Variants in TMEM178B observed in about 807,000 individuals in gnomAD.
TMEM178B encodes the protein transmembrane protein 178B.
A neutral mutation model predicts 31.0 loss-of-function variants in TMEM178B; 5 were observed. That is an observed-to-expected ratio of 0.16 (90% confidence interval 0.08 to 0.34). The LOEUF is 0.34. Ranked by LOEUF, TMEM178B falls within the 10% of genes least tolerant of loss-of-function variation. The pLI is 1.00. For synonymous variants in TMEM178B, 164 were observed against 164.0 expected, an observed-to-expected ratio of 1.00 and a Z score of 0.00; for missense variants, 275 against 400.3, an observed-to-expected ratio of 0.69 and a Z score of 2.67.
intron 2 of TMEM178B, among the ~76,000 whole-genome samples, chr7:141,225,346 T>TCC (rs1797324348): frequency 6.6e-6 from 1 of 152,226 alleles, no homozygotes; most frequent in Non-Finnish European, 1.5e-5. Flanking sequence ...TTTGTCCATT[T>TCC]GTTCAAAAGA....
intron 1 of TMEM178B, among the ~76,000 whole-genome samples, chr7:141,098,554 C>T (rs1795002959): frequency 1.3e-5 from 2 of 152,206 alleles, no homozygotes; most frequent in Non-Finnish European, 2.9e-5. Flanking sequence ...AGTTTACTAT[C>T]TGTGTGACCC....
At chr7:141,129,103 G>T (rs1795553443) in intron 1 of TMEM178B, among the ~76,000 whole-genome samples, 1 of 152,172 alleles carries the variant, frequency 6.6e-6, no homozygotes, top group Non-Finnish European at 1.5e-5. Flanking sequence ...GGGTTACATG[G>T]CTGACTGCCC....
At chr7:141,399,036 C>T (rs1800706963) in intron 2 of TMEM178B, among the ~76,000 whole-genome samples, 1 of 152,248 alleles carries the variant, frequency 6.6e-6, no homozygotes, top group East Asian at 1.9e-4. Context: ...AATATGCGGA[C>T]AGCACAGATT....
intron 1 of TMEM178B, among the ~76,000 whole-genome samples, chr7:141,115,129 G>A (rs1008764942): frequency 6.6e-6 from 1 of 151,980 alleles, no homozygotes; most frequent in African/African-American, 2.4e-5. Context: ...TGCAACCTCC[G>A]CCTCCTGGGT....
At chr7:141,134,718 G>A (rs188157665) in intron 1 of TMEM178B, among the ~76,000 whole-genome samples, 22 of 152,286 alleles carry the variant, frequency 1.4e-4, no homozygotes, top group South Asian at 2.1e-4. Flanking sequence ...TCACTTAGAA[G>A]ATATAGAATG....
intron 1 of TMEM178B, among the ~76,000 whole-genome samples, chr7:141,128,735 C>A (rs1371067101): frequency 6.6e-6 from 1 of 152,088 alleles, no homozygotes; most frequent in Non-Finnish European, 1.5e-5. Context: ...ATTCCCACAT[C>A]ACTTCTCCTG....
intron 2 of TMEM178B, among the ~76,000 whole-genome samples, chr7:141,216,670 T>G (rs562042268): frequency 6.6e-6 from 1 of 152,172 alleles, no homozygotes; most frequent in South Asian, 2.1e-4. Context: ...GTGGGTACTG[T>G]GGGTGCCTTT....
At position 141,220,179 on chromosome 7, in the gene TMEM178B, G is replaced by A. The variant is rs979876126; in HGVS notation, c.496+7475G>A. Among the ~76,000 whole-genome samples, 11 of 143,776 alleles carry A rather than the reference G, an allele frequency of 7.7e-5. No homozygotes were observed. The East Asian group carries it at 1.5e-3, about 20-fold the overall frequency. The allele number at this position is 143,776 out of a possible 152,430, so 94.3% of individuals were successfully genotyped here. ...CTAAAAATACAAAAATTAGCTGGGC[G>A]TGGTGACATATGCCATACTTGGGAG... is the stretch of plus-strand genomic sequence containing the variant. On this transcript the variant is annotated intron_variant, in intron 2 of 3. Coordinates refer to ENST00000565468, the MANE Select transcript of TMEM178B (RefSeq NM_001195278.2).
Position 141,479,698 on chromosome 7 carries a change from A to T in TMEM178B, c.*8912A>T, listed in dbSNP as rs992991464. On this transcript the variant is annotated 3_prime_UTR_variant, in exon 4 of 4. Coordinates refer to ENST00000565468, the MANE Select transcript of TMEM178B (RefSeq NM_001195278.2). Reference sequence around the variant, plus strand: ...TGGTGAGTATGTTTTATATATGGTCATTAGACAGGGACCATAACTGACAAA... The same window carrying T: ...TGGTGAGTATGTTTTATATATGGTCTTTAGACAGGGACCATAACTGACAAA... 5 of 152,246 alleles carry T rather than the reference A, an allele frequency of 3.3e-5. No homozygotes were observed. Among genetic ancestry groups the T allele is most frequent in the African/African-American group, 1.2e-4 (5 of 41,462 alleles). The allele number at this position is 152,246 out of a possible 1,614,324, so 9.4% of individuals were successfully genotyped here.
chr7:141,298,469 G>A (rs1308809074), intron 2 of TMEM178B, among the ~76,000 whole-genome samples: 1 of 152,198 alleles, frequency 6.6e-6, no homozygotes, highest in Non-Finnish European at 1.5e-5. Flanking sequence ...TATCTTCAAT[G>A]TGAACTCCAA....
intron 2 of TMEM178B, among the ~76,000 whole-genome samples, chr7:141,435,427 A>C (rs1414355255): frequency 1.3e-5 from 2 of 152,182 alleles, no homozygotes; most frequent in Non-Finnish European, 2.9e-5. Flanking sequence ...TCCCATTTCC[A>C]GGAGATGATC....
chr7:141,202,557 A>G (rs1204361681), intron 1 of TMEM178B, among the ~76,000 whole-genome samples: 1 of 152,258 alleles, frequency 6.6e-6, no homozygotes, highest in Non-Finnish European at 1.5e-5. Context: ...ACAAAAAAAC[A>G]AAGCATACAA....
chr7:141,262,126 A>G (rs1310799189), intron 2 of TMEM178B, among the ~76,000 whole-genome samples: 2 of 152,188 alleles, frequency 1.3e-5, no homozygotes, highest in Non-Finnish European at 2.9e-5. Flanking sequence ...CCAGTTTGCA[A>G]GCCAAGGCAG....
chr7:141,421,440 G>T (rs1382393250), intron 2 of TMEM178B, among the ~76,000 whole-genome samples: 2 of 152,126 alleles, frequency 1.3e-5, no homozygotes, highest in Non-Finnish European at 2.9e-5. Flanking sequence ...ATTTGTGGTA[G>T]CACTTTACAG....
At chr7:141,509,641 A>T in the TMEM178B span, among the ~76,000 whole-genome samples, 2 of 152,120 alleles carry the variant, frequency 1.3e-5, no homozygotes, top group Non-Finnish European at 2.9e-5. Context: ...CAAGACAGAG[A>T]TTCCTTCTCA....
chr7:141,474,492 C>T lies in TMEM178B; in HGVS notation c.*3706C>T, dbSNP rs1802321550. On this transcript the variant is annotated 3_prime_UTR_variant, in exon 4 of 4. Transcript: ENST00000565468. The stretch of plus-strand genomic sequence containing the variant: ...TGTGCCTGTTCCAGCTTCAATCCTC[C>T]TCCAAGCCTTAGCTTTTCAACAACC... 6.6e-6 allele frequency: 1 copy of T among 152,236 alleles called. No homozygotes were observed. Among genetic ancestry groups the T allele is most frequent in the Middle Eastern group, 3.2e-3 (1 of 316 alleles). The allele number at this position is 152,236 out of a possible 1,614,324, so 9.4% of individuals were successfully genotyped here.
chr7:141,239,515 G>A (rs1194000949), intron 2 of TMEM178B, among the ~76,000 whole-genome samples: 1 of 152,182 alleles, frequency 6.6e-6, no homozygotes, highest in East Asian at 1.9e-4. Context: ...TCATACCTTA[G>A]GTGAAACCTT....
intron 1 of TMEM178B, among the ~76,000 whole-genome samples, chr7:141,106,078 C>A (rs1422034276): frequency 1.7e-5 from 2 of 116,908 alleles, no homozygotes; most frequent in Non-Finnish European, 1.8e-5. Context: ...AGAGTGAGAC[C>A]CTGTCTCAAA....
At chr7:141,118,824 G>A (rs763693301) in intron 1 of TMEM178B, among the ~76,000 whole-genome samples, 24 of 152,140 alleles carry the variant, frequency 1.6e-4, no homozygotes, top group Non-Finnish European at 2.9e-4. Context: ...AGGAAACAAC[G>A]GTGTAAGCAA....
Sources: gnomAD v4.1 joint callset for allele counts (sites outside exome capture counted in the v4.1 genomes callset) on GRCh38, gnomAD v4.1.1 for gene constraint, MANE v1.5 for transcripts, NCBI Gene and HGNC (gene_info 2026-07-23, HGNC 2026-07-21) for gene names.